Variants in BCL7C observed in about 807,000 individuals in gnomAD.
BCL7C encodes B-cell CLL/lymphoma 7 protein family member C.
A neutral mutation model predicts 26.2 loss-of-function variants in BCL7C; 8 were observed. The observed-to-expected ratio is 0.30, with a 90% CI of 0.18 to 0.55. BCL7C has a LOEUF of 0.55. Ranked by LOEUF, BCL7C falls within the 20% of genes least tolerant of loss-of-function variation. The pLI is 0.93. For synonymous variants in BCL7C, 90 were observed against 116.5 expected, an observed-to-expected ratio of 0.77 and a Z score of 1.47; for missense variants, 262 against 298.5, an observed-to-expected ratio of 0.88 and a Z score of 0.90.
At position 30,892,906 on chromosome 16, in the gene BCL7C, G is replaced by A. The variant is rs2055275859; in HGVS notation, c.214C>T (p.Arg72Trp). 1.2e-6 allele frequency: 2 copies of A among 1,613,036 alleles called. No homozygotes were observed. Among genetic ancestry groups the A allele is most frequent in the South Asian group, 1.1e-5 (1 of 91,078 alleles). The change falls in exon 3 of 6, where the codon CGG becomes TGG. Residue 72 changes from arginine (R) to tryptophan (W), a missense_variant. Coordinates refer to ENST00000215115, the MANE Select transcript of BCL7C (RefSeq NM_004765.4). ...AGGGAERSRG[R>W]ERRGRGASPR... is the part of the protein sequence containing the mutation. ...CTGGCGCCCCTGCCCCGACGTTCCCGGCCACGGGATCTCTCTGCCCCGCCA... is the reference window on the plus strand; with the variant it reads ...CTGGCGCCCCTGCCCCGACGTTCCCAGCCACGGGATCTCTCTGCCCCGCCA...
chr16:30,862,736 A>G (rs1008775520), intron 5 of BCL7C, among the ~76,000 whole-genome samples: 9 of 152,058 alleles, frequency 5.9e-5, no homozygotes, highest in Non-Finnish European at 1.2e-4. Context: ...ACAAAGCAAC[A>G]ACTCCTTTCC....
chr16:30,880,558 AAAGTC>A (rs1327946896), intron 5 of BCL7C, among the ~76,000 whole-genome samples: 4 of 151,902 alleles, frequency 2.6e-5, no homozygotes, highest in Admixed American at 2.0e-4. Context: ...AAAAAAAAAA[AAAGTC>A]AGAACAGCGG....
At chr16:30,863,867 C>T (rs149427246) in intron 5 of BCL7C, among the ~76,000 whole-genome samples, 3,009 of 152,246 alleles carry the variant, frequency 0.02, 86 homozygotes, top group African/African-American at 0.064. Flanking sequence ...ATCCCCAATC[C>T]GCCACTCTTG....
intron 5 of BCL7C, among the ~76,000 whole-genome samples, chr16:30,849,707 T>A (rs974517385): frequency 1.3e-5 from 2 of 151,752 alleles, no homozygotes; most frequent in Non-Finnish European, 2.9e-5. Context: ...TGCCTCGGCC[T>A]CCCAAAGTGT....
At chr16:30,889,334 T>C (rs1301277761) in intron 4 of BCL7C, among the ~76,000 whole-genome samples, 3 of 152,134 alleles carry the variant, frequency 2.0e-5, no homozygotes, top group African/African-American at 7.2e-5. Flanking sequence ...GAGGGTCAGA[T>C]GAGCGGATGC....
intron 5 of BCL7C, among the ~76,000 whole-genome samples, chr16:30,877,461 G>C (rs1354497860): frequency 1.4e-5 from 2 of 139,302 alleles, no homozygotes; most frequent in East Asian, 4.3e-4. Context: ...TTTTTTTTGA[G>C]ACGGAGTCTC....
intron 5 of BCL7C, among the ~76,000 whole-genome samples, chr16:30,837,520 G>C (rs768533427): frequency 4.0e-5 from 6 of 151,682 alleles, no homozygotes; most frequent in Non-Finnish European, 7.4e-5. Flanking sequence ...GCTAATTTTT[G>C]TATCTTTAGT....
intron 5 of BCL7C, among the ~76,000 whole-genome samples, chr16:30,847,626 T>C (rs770244672): frequency 2.6e-5 from 4 of 151,974 alleles, no homozygotes; most frequent in South Asian, 4.2e-4. Context: ...TGAAACCCTG[T>C]TGCTACTAAA....
chr16:30,887,726 T>G, downstream of BCL7C: 2 of 1,364,916 alleles, frequency 1.5e-6, no homozygotes, highest in Non-Finnish European at 9.7e-7. Context: ...ATCTGAGCAA[T>G]GGTGCATGAG....
At chr16:30,879,711 T>TAAAAAAAAAAAAAAAAAA (rs1596612477) in intron 5 of BCL7C, among the ~76,000 whole-genome samples, 2 of 17,166 alleles carry the variant, frequency 1.2e-4, no homozygotes, top group Non-Finnish European at 2.4e-4. Context: ...AAAAAAAAAC[T>TAAAAAAAAAAAAAAAAAA]GGGCACGGTG....
At chr16:30,874,726 G>A (rs937247126) in intron 5 of BCL7C, among the ~76,000 whole-genome samples, 1 of 152,164 alleles carries the variant, frequency 6.6e-6, no homozygotes, top group Non-Finnish European at 1.5e-5. Flanking sequence ...AGGAAGCTTG[G>A]GTTTCTATCC....
At chr16:30,887,242 G>C (rs2055147373), downstream of BCL7C, among the ~76,000 whole-genome samples, 1 of 152,010 alleles carries the variant, frequency 6.6e-6, no homozygotes, top group Non-Finnish European at 1.5e-5. Flanking sequence ...CCAGGAGGCA[G>C]AGTTTGCAGT....
At chr16:30,840,256 C>T (rs1017323286) in intron 5 of BCL7C, among the ~76,000 whole-genome samples, 15 of 130,930 alleles carry the variant, frequency 1.1e-4, no homozygotes, top group Admixed American at 6.3e-4. Flanking sequence ...CTTGCTCTGT[C>T]GCTCAGGCTG....
chr16:30,852,730 G>T (rs1346207668), intron 5 of BCL7C, among the ~76,000 whole-genome samples: 1 of 151,844 alleles, frequency 6.6e-6, no homozygotes, highest in African/African-American at 2.4e-5. Context: ...GACCTCAGGT[G>T]ATCCACCCGC....
chr16:30,864,187 G>GT (rs1265514034), intron 5 of BCL7C, among the ~76,000 whole-genome samples: 1 of 152,060 alleles, frequency 6.6e-6, no homozygotes, highest in Non-Finnish European at 1.5e-5. Context: ...GAAGAGTGTT[G>GT]TTTTTTCCTA....
intron 5 of BCL7C, chr16:30,851,375 G>C (rs543698227): frequency 1.7e-4 from 32 of 185,680 alleles, no homozygotes; most frequent in African/African-American, 6.6e-4. Context: ...CGAGTAGCTG[G>C]GATTACAGGC....
chr16:30,873,270 G>A (rs984922756), intron 5 of BCL7C, among the ~76,000 whole-genome samples: 1 of 152,050 alleles, frequency 6.6e-6, no homozygotes, highest in African/African-American at 2.4e-5. Context: ...GGTTATCTCA[G>A]TCAAAAAAGG....
downstream of BCL7C, among the ~76,000 whole-genome samples, chr16:30,886,430 C>T (rs912808198): frequency 5.9e-5 from 9 of 152,232 alleles, no homozygotes; most frequent in African/African-American, 1.9e-4. Context: ...TGAGTTCTAG[C>T]ACAGAGGTTC....
At chr16:30,841,098 A>T (rs959725595) in intron 5 of BCL7C, among the ~76,000 whole-genome samples, 6 of 152,158 alleles carry the variant, frequency 3.9e-5, no homozygotes, top group Non-Finnish European at 8.8e-5. Context: ...ACCCTTGAGC[A>T]CTTAGAAGGG....
Sources: allele counts gnomAD v4.1 joint callset (sites outside exome capture counted in the v4.1 genomes callset), GRCh38; gene constraint gnomAD v4.1.1; transcripts MANE v1.5; gene names NCBI Gene and HGNC (gene_info 2026-07-23, HGNC 2026-07-21).